Variants in PLEKHB2 observed in about 807,000 individuals in gnomAD.
PLEKHB2 encodes the protein pleckstrin homology domain containing B2, also known as pleckstrin homology domain-containing family B member 2.
PLEKHB2 carries 31 observed loss-of-function variants against 36.5 expected under a neutral mutation model. The observed-to-expected ratio is 0.85, with a 90% confidence interval of 0.64 to 1.15. The LOEUF (loss-of-function observed/expected upper bound fraction) is 1.15. Among genes scored for constraint, PLEKHB2 ranks in the 50% most tolerant of loss-of-function variants. PLEKHB2 has a pLI of 0.00. For missense variants in PLEKHB2, 262 were observed against 295.3 expected, an observed-to-expected ratio of 0.89 and a Z score of 0.83; for synonymous variants, 119 against 112.0, an observed-to-expected ratio of 1.06 and a Z score of -0.39.
intron 7 of PLEKHB2, among the ~76,000 whole-genome samples, chr2:131,142,713 C>T (rs1419641979): frequency 6.6e-6 from 1 of 151,834 alleles, no homozygotes; most frequent in African/African-American, 2.4e-5. Flanking sequence ...CATGTGCCAC[C>T]ACACCTGGCT....
rs567198021 is a variant in PLEKHB2, at chr2:131,131,028, A to G, written c.333+268A>G. ...GGTATCCAACTTCTGGGCTCAAGTG[A>G]TCCTCCCACTTTCGCCTCCCAAAGT... On this transcript the variant is annotated intron_variant, in intron 5 of 7. Transcript: ENST00000693505. Among the ~76,000 whole-genome samples, 8 of 152,224 alleles carry G rather than the reference A, an allele frequency of 5.3e-5. No individual in the cohort carries two copies. The East Asian group carries it at 1.5e-3, about 29-fold the overall frequency.
intron 1 of PLEKHB2, among the ~76,000 whole-genome samples, chr2:131,112,115 A>G (rs1189614407): frequency 1.3e-5 from 2 of 152,150 alleles, no homozygotes; most frequent in Non-Finnish European, 2.9e-5. Context: ...TGGAACTTTC[A>G]TGTCTGCCCC....
chr2:131,125,950 C>T (rs1470197671), intron 3 of PLEKHB2, 45 bp downstream of exon 3: 13 of 1,576,502 alleles, frequency 8.2e-6, no homozygotes, highest in Non-Finnish European at 1.1e-5. Flanking sequence ...TGCTCTTCCT[C>T]TGTCTTGCTG....
chr2:131,144,349 T>C, intron 7 of PLEKHB2: 3 of 744,994 alleles, frequency 4.0e-6, no homozygotes, highest in Non-Finnish European at 5.5e-6. Flanking sequence ...TAATGTGGGG[T>C]TGAGGTGTTT....
At chr2:131,107,578 A>G (rs761929756) in intron 1 of PLEKHB2, 12 of 152,236 alleles carry the variant, frequency 7.9e-5, no homozygotes, top group Admixed American at 2.0e-4. Flanking sequence ...GAGAACTGGG[A>G]TATCATGAGG....
intron 7 of PLEKHB2, among the ~76,000 whole-genome samples, chr2:131,144,241 G>C (rs796765110): frequency 1.8e-4 from 28 of 152,208 alleles, no homozygotes; most frequent in African/African-American, 6.5e-4. Flanking sequence ...GGGACCAGTG[G>C]TTGGTCAGCC....
chr2:131,122,540 C>T (rs965223706), intron 2 of PLEKHB2, among the ~76,000 whole-genome samples: 4 of 152,192 alleles, frequency 2.6e-5, no homozygotes, highest in African/African-American at 4.8e-5. Flanking sequence ...TTAATTCTCA[C>T]AACAGCTGTA....
At chr2:131,106,032 T>G (rs1694690552) in intron 1 of PLEKHB2, among the ~76,000 whole-genome samples, 1 of 152,210 alleles carries the variant, frequency 6.6e-6, no homozygotes. Flanking sequence ...TGCAATGTCT[T>G]TAGTCATAAG....
At chr2:131,139,089 TTC>T (rs1449062550) in intron 6 of PLEKHB2, among the ~76,000 whole-genome samples, 4 of 152,200 alleles carry the variant, frequency 2.6e-5, no homozygotes, top group Non-Finnish European at 5.9e-5. Flanking sequence ...TCTAAAAATG[TTC>T]TGTCTTGCTA....
At chr2:131,130,431 A>G (rs1421610413) in intron 4 of PLEKHB2, among the ~76,000 whole-genome samples, 1 of 152,232 alleles carries the variant, frequency 6.6e-6, no homozygotes, top group African/African-American at 2.4e-5. Flanking sequence ...AAAAGGAAGT[A>G]GATCTGTGTG....
chr2:131,129,832 A>T (rs562081375), intron 4 of PLEKHB2, among the ~76,000 whole-genome samples: 1 of 152,190 alleles, frequency 6.6e-6, no homozygotes, highest in South Asian at 2.1e-4. Context: ...TGTGATACTT[A>T]AGGTTCAGAT....
chr2:131,130,384 T>G (rs984386196), intron 4 of PLEKHB2, among the ~76,000 whole-genome samples: 1 of 152,140 alleles, frequency 6.6e-6, no homozygotes, highest in Non-Finnish European at 1.5e-5. Flanking sequence ...CTAATCTAAA[T>G]TTTTTACTCA....
intron 7 of PLEKHB2, among the ~76,000 whole-genome samples, chr2:131,142,106 G>A (rs1252372459): frequency 6.6e-6 from 1 of 152,088 alleles, no homozygotes; most frequent in Non-Finnish European, 1.5e-5. Context: ...GTTTAGATAC[G>A]CCGATTCACC....
At chr2:131,113,690 T>C (rs906434705) in intron 1 of PLEKHB2, among the ~76,000 whole-genome samples, 2 of 152,260 alleles carry the variant, frequency 1.3e-5, no homozygotes, top group East Asian at 1.9e-4. Flanking sequence ...ATGCCTTTGC[T>C]CTGAGCTAGA....
chr2:131,106,895 C>T (rs933499084), intron 1 of PLEKHB2, among the ~76,000 whole-genome samples: 2 of 152,106 alleles, frequency 1.3e-5, no homozygotes, highest in Non-Finnish European at 2.9e-5. Flanking sequence ...AACCTGACAG[C>T]GGTTCTTTGC....
chr2:131,125,524 G>A (rs538626239), intron 2 of PLEKHB2, among the ~76,000 whole-genome samples: 2 of 152,186 alleles, frequency 1.3e-5, no homozygotes, highest in South Asian at 4.2e-4. Flanking sequence ...CTCTTTTGGC[G>A]CAAAGCCAAC....
At chr2:131,105,892 C>T (rs952266126) in intron 1 of PLEKHB2, among the ~76,000 whole-genome samples, 6 of 152,220 alleles carry the variant, frequency 3.9e-5, no homozygotes, top group South Asian at 2.1e-4. Context: ...CTGCTGCTCC[C>T]TCTGCTCCAG....
intron 6 of PLEKHB2, among the ~76,000 whole-genome samples, chr2:131,134,249 C>T (rs1385483546): frequency 1.3e-5 from 2 of 151,976 alleles, no homozygotes; most frequent in Non-Finnish European, 1.5e-5. Context: ...TGCAGTGGCA[C>T]GATCTCGGCT....
At chr2:131,142,534 T>A (rs1698896175) in intron 7 of PLEKHB2, among the ~76,000 whole-genome samples, 1 of 152,110 alleles carries the variant, frequency 6.6e-6, no homozygotes, top group Non-Finnish European at 1.5e-5. Context: ...TTTTCCTTTT[T>A]GTTCTTATTG....
Sources: gnomAD v4.1 joint callset for allele counts (sites outside exome capture counted in the v4.1 genomes callset) on GRCh38, gnomAD v4.1.1 for gene constraint, MANE v1.5 for transcripts, NCBI Gene and HGNC (gene_info 2026-07-23, HGNC 2026-07-21) for gene names.